The following SHANK2 variants were observed in gnomAD, a reference collection of about 807,000 sequenced individuals.
SHANK2 encodes the protein SH3 and multiple ankyrin repeat domains protein 2.
A neutral mutation model predicts 133.7 loss-of-function variants in SHANK2; 43 were observed. That is an observed-to-expected ratio of 0.32 (90% CI 0.25 to 0.41). The LOEUF (loss-of-function observed/expected upper bound fraction) is 0.41, where lower values mean the gene tolerates loss of function less well. Among genes scored for constraint, SHANK2 ranks in the 10% least tolerant of loss-of-function variants. SHANK2 has a pLI of 1.00. For synonymous variants in SHANK2, 1,017 were observed against 952.8 expected (o/e 1.07, Z -1.24); for missense variants, 1,994 against 2,235.8 (o/e 0.89, Z 2.18).
chr11:70,636,603 G>C (rs111211149), intron 17 of SHANK2, among the ~76,000 whole-genome samples: 122 of 149,746 alleles, frequency 8.1e-4, no homozygotes, highest in African/African-American at 2.8e-3. Flanking sequence ...GAGTGTATGA[G>C]TGTGTGTATG....
rs782027401 is a variant in SHANK2 at position 70,486,516 on chromosome 11, G to A, written c.3777C>T (p.Ala1259=). The change falls in exon 25 of 26, where the codon GCC becomes GCT. Residue 1259 remains alanine (A), a synonymous_variant. Coordinates refer to ENST00000601538, the MANE Select transcript of SHANK2 (RefSeq NM_012309.5). This position sits in a 1 kb window ranked among gnomAD's most constrained non-coding sequence, Gnocchi z 8.0. Reference sequence around the variant, plus strand: ...TCTGCCTGGTGACCGTAGGGAAGCCGGCATCCAGGCTGGGCCGCATTTTGG... The same window carrying A: ...TCTGCCTGGTGACCGTAGGGAAGCCAGCATCCAGGCTGGGCCGCATTTTGG... ...IDTKMRPSLD[A]GFPTVTRQNT... 3.7e-6 allele frequency: 6 copies of A among 1,614,140 alleles called. No homozygotes were observed. Among genetic ancestry groups the A allele is most frequent in the South Asian group, 1.1e-5 (1 of 91,080 alleles).
intron 17 of SHANK2, among the ~76,000 whole-genome samples, chr11:70,540,320 G>T (rs1033117505): frequency 3.3e-5 from 5 of 152,056 alleles, no homozygotes; most frequent in Non-Finnish European, 4.4e-5. Context: ...CAGCAAGCGG[G>T]GCGCCCACGG....
chr11:71,224,033 C>T (rs1222747735), intron 2 of SHANK2, among the ~76,000 whole-genome samples: 1 of 152,260 alleles, frequency 6.6e-6, no homozygotes, highest in Admixed American at 6.5e-5. Flanking sequence ...GTGGTCAAGC[C>T]AAGCTGGATT....
intron 1 of SHANK2, among the ~76,000 whole-genome samples, chr11:71,250,593 T>C (rs1231659210): frequency 2.6e-5 from 4 of 152,156 alleles, no homozygotes; most frequent in Admixed American, 2.6e-4. Flanking sequence ...TCAACCCTAT[T>C]AGGACCCTCA....
Position 70,734,339 on chromosome 11 carries a change from G to A in SHANK2, c.1778-35576C>T, listed in dbSNP as rs190262831. Among the ~76,000 whole-genome samples the A allele has an allele frequency of 8.7e-4, 132 of 152,318 alleles. 1 individual carries two copies. Among genetic ancestry groups the A allele is most frequent in the Non-Finnish European group, 1.8e-3 (120 of 68,020 alleles). Reference sequence around the variant, plus strand: ...GAATAGTTAAAACCCGAGGGAGGTCGAGTGAAGGTGTGTGAAGGTGACTTC... The same window carrying A: ...GAATAGTTAAAACCCGAGGGAGGTCAAGTGAAGGTGTGTGAAGGTGACTTC... On this transcript the variant is annotated intron_variant, in intron 14 of 25. Transcript: ENST00000601538.
At chr11:70,731,233 G>GT (rs1257135024) in intron 14 of SHANK2, among the ~76,000 whole-genome samples, 1 of 152,234 alleles carries the variant, frequency 6.6e-6, no homozygotes, top group Non-Finnish European at 1.5e-5. Context: ...TGGGGACACA[G>GT]TAAGAAGGTG....
intron 17 of SHANK2, among the ~76,000 whole-genome samples, chr11:70,514,204 AGAACCTCTTGTAGAAGACGGCG>A (rs1455848582): frequency 1.3e-5 from 2 of 152,230 alleles, no homozygotes; most frequent in African/African-American, 4.8e-5. Context: ...ACCATGGAGA[AGAACCTCTTGTAGAAGACGGCG>A]GAACAACATC....
At chr11:71,112,983 C>T (rs1416812741) in intron 5 of SHANK2, among the ~76,000 whole-genome samples, 1 of 152,262 alleles carries the variant, frequency 6.6e-6, no homozygotes, top group Non-Finnish European at 1.5e-5. Flanking sequence ...CTTCCCTCCA[C>T]CACGCCAGGC....
chr11:70,626,534 A>G (rs575888191), intron 17 of SHANK2, among the ~76,000 whole-genome samples: 1 of 152,300 alleles, frequency 6.6e-6, no homozygotes, highest in East Asian at 1.9e-4. Flanking sequence ...AGGAAACAGG[A>G]AAGATGGACA....
intron 17 of SHANK2, among the ~76,000 whole-genome samples, chr11:70,578,102 G>C (rs2060139276): frequency 6.6e-6 from 1 of 152,210 alleles, no homozygotes; most frequent in South Asian, 2.1e-4. Context: ...AGCCTGAGCT[G>C]ACTCAGACAC....
intron 14 of SHANK2, among the ~76,000 whole-genome samples, chr11:70,747,441 G>C (rs185905235): frequency 6.6e-4 from 100 of 152,300 alleles, no homozygotes; most frequent in Non-Finnish European, 1.3e-3. Flanking sequence ...CCCAGGCCAG[G>C]AGCCATGGGG....
chr11:70,770,844 G>A (rs1193650058), intron 14 of SHANK2, among the ~76,000 whole-genome samples: 2 of 149,598 alleles, frequency 1.3e-5, no homozygotes, highest in African/African-American at 2.5e-5. Flanking sequence ...CAGTTAATCT[G>A]TGCACAGATC....
rs890461458 is a variant in SHANK2, at chr11:70,489,235, C to G, written c.2572+93G>C. ...ACTCTGAGTTGGCTGTCTGGCAATT[C>G]TGTTCCCAAGGAGTACTAATTTAAG... is the stretch of plus-strand genomic sequence containing the variant. On this transcript the variant is annotated intron_variant, in intron 24 of 25. Transcript: ENST00000601538. 6.2e-6 allele frequency: 8 copies of G among 1,293,802 alleles called. No individual in the cohort carries two copies. The East Asian group carries it at 1.6e-4, about 26-fold the overall frequency. The allele number at this position is 1,293,802 out of a possible 1,614,324, so 80.1% of individuals were successfully genotyped here.
At chr11:71,233,996 A>G (rs1555123330) in intron 1 of SHANK2, among the ~76,000 whole-genome samples, 1 of 151,778 alleles carries the variant, frequency 6.6e-6, no homozygotes, top group Non-Finnish European at 1.5e-5. Context: ...GCAGTGAACC[A>G]AGATCATGCC....
intron 11 of SHANK2, among the ~76,000 whole-genome samples, chr11:70,824,623 C>T (rs111792961): frequency 5.2e-4 from 79 of 152,264 alleles, no homozygotes; most frequent in African/African-American, 1.8e-3. Flanking sequence ...AAACCTCATC[C>T]CTGGGACAGG....
chr11:70,520,455 T>C (rs1380433847), intron 17 of SHANK2, among the ~76,000 whole-genome samples: 1 of 152,174 alleles, frequency 6.6e-6, no homozygotes, highest in Non-Finnish European at 1.5e-5. Context: ...GACTGAGGTA[T>C]ATATGGGTGT....
At chr11:70,917,886 G>A (rs531365408) in intron 10 of SHANK2, among the ~76,000 whole-genome samples, 4 of 152,224 alleles carry the variant, frequency 2.6e-5, no homozygotes, top group Admixed American at 6.5e-5. Context: ...GGAGAGGATC[G>A]AGAAGAACAA....
intron 11 of SHANK2, among the ~76,000 whole-genome samples, chr11:70,837,296 C>A (rs1223829881): frequency 6.6e-6 from 1 of 152,152 alleles, no homozygotes; most frequent in Non-Finnish European, 1.5e-5. Context: ...TCCAGATGCT[C>A]CCTCACCCAC....
Position 70,661,693 on chromosome 11 carries a change from C to T in SHANK2, c.1854-15G>A, listed in dbSNP as rs1555013376. On this transcript the variant is annotated splice_polypyrimidine_tract_variant and intron_variant, in intron 15 of 25. Transcript: ENST00000601538. The stretch of plus-strand genomic sequence containing the variant: ...TAATGCAGTCACTGTAGAGAGAATT[C>T]CGGGGACAGCGACCATTATTGTAGC... The T allele has an allele frequency of 2.5e-6, 4 of 1,614,014 alleles. No individual in the cohort carries two copies. Among genetic ancestry groups the T allele is most frequent in the Admixed American group, 1.7e-5 (1 of 60,002 alleles).
Sources: allele counts gnomAD v4.1 joint callset (sites outside exome capture counted in the v4.1 genomes callset), GRCh38; gene constraint gnomAD v4.1.1; non-coding constraint Gnocchi (gnomAD v3.1); transcripts MANE v1.5; gene names NCBI Gene and HGNC (gene_info 2026-07-23, HGNC 2026-07-21).